GREB1L: variants seen among roughly 807,000 people sequenced by gnomAD.
GREB1L encodes GREB1-like protein.
Under a neutral mutation model 200.8 loss-of-function variants are expected in GREB1L, and 17 were observed. The observed-to-expected ratio is 0.08, with a 90% confidence interval of 0.06 to 0.13. GREB1L has a LOEUF of 0.13. GREB1L is among the 10% of genes least tolerant of loss of function. GREB1L has a pLI of 1.00. For synonymous variants in GREB1L, 789 were observed against 893.0 expected (o/e 0.88, Z 2.08); for missense variants, 1,657 against 2,367.7 (o/e 0.70, Z 6.23).
At chr18:21,467,031 G>C (rs539023751) in intron 15 of GREB1L, among the ~76,000 whole-genome samples, 19 of 152,300 alleles carry the variant, frequency 1.2e-4, no homozygotes, top group African/African-American at 4.3e-4. Flanking sequence ...AACGAATGAT[G>C]CTGGGACAAC....
intron 1 of GREB1L, among the ~76,000 whole-genome samples, chr18:21,337,268 C>T (rs2039199081): frequency 6.6e-6 from 1 of 151,862 alleles, no homozygotes; most frequent in Non-Finnish European, 1.5e-5. Context: ...TCTGATGAAG[C>T]TTTTGGGATT....
At chr18:21,281,508 T>C (rs2038268630) in intron 1 of GREB1L, among the ~76,000 whole-genome samples, 1 of 152,218 alleles carries the variant, frequency 6.6e-6, no homozygotes, top group Non-Finnish European at 1.5e-5. Context: ...TACTCATGTA[T>C]CTTTTTGTTA....
rs192443843 is a variant in GREB1L at position 21,496,960 on chromosome 18, A to G, written c.3391+262A>G. 3.2e-4 allele frequency among the ~76,000 whole-genome samples: 49 copies of G among 152,320 alleles called. No homozygotes were observed. The East Asian group carries it at 7.7e-3, about 24-fold the overall frequency. On this transcript the variant is annotated intron_variant, in intron 21 of 32. Coordinates refer to ENST00000424526, the MANE Select transcript of GREB1L (RefSeq NM_001142966.3). ...AACAATTTTATCAACCCTAGCCTGT[A>G]CCATTTTCCCTAGTCTTTTCTACCC...
intron 1 of GREB1L, among the ~76,000 whole-genome samples, chr18:21,242,803 G>A (rs2037523516): frequency 6.6e-6 from 1 of 152,146 alleles, no homozygotes; most frequent in Non-Finnish European, 1.5e-5. Context: ...CGGCGGAGGC[G>A]GCGAGGGGGC....
At chr18:21,302,925 G>A (rs1333121665) in intron 1 of GREB1L, among the ~76,000 whole-genome samples, 3 of 152,106 alleles carry the variant, frequency 2.0e-5, no homozygotes, top group African/African-American at 7.2e-5. Flanking sequence ...GTTTCACCAT[G>A]TTAGCCAGGA....
chr18:21,293,836 G>A (rs570300139), intron 1 of GREB1L, among the ~76,000 whole-genome samples: 2 of 152,272 alleles, frequency 1.3e-5, no homozygotes, highest in East Asian at 3.9e-4. Flanking sequence ...CTGGAGTGCA[G>A]TGGAGTGATC....
intron 18 of GREB1L, among the ~76,000 whole-genome samples, chr18:21,487,942 C>T (rs1259523684): frequency 2.0e-5 from 3 of 150,704 alleles, no homozygotes; most frequent in African/African-American, 7.3e-5. Context: ...ACCTGGGAGG[C>T]GGAGGTTGCA....
At chr18:21,342,320 G>C (rs1342222087) in intron 1 of GREB1L, among the ~76,000 whole-genome samples, 2 of 152,040 alleles carry the variant, frequency 1.3e-5, no homozygotes, top group African/African-American at 4.8e-5. Flanking sequence ...TTATATTCAA[G>C]AACCATCCTT....
chr18:21,351,994 C>A (rs1361804041), intron 1 of GREB1L, among the ~76,000 whole-genome samples: 1 of 151,972 alleles, frequency 6.6e-6, no homozygotes, highest in South Asian at 2.1e-4. Flanking sequence ...ATTACAGGCA[C>A]GCGCCACCAC....
chr18:21,440,013 T>C (rs1473102607), intron 8 of GREB1L, among the ~76,000 whole-genome samples: 2 of 152,144 alleles, frequency 1.3e-5, no homozygotes, highest in Non-Finnish European at 2.9e-5. Flanking sequence ...AGGTTGTGGG[T>C]AGAATCAAAT....
chr18:21,513,948 T>C lies in GREB1L; in HGVS notation c.4863T>C (p.Cys1621=). Reference sequence around the variant, plus strand: ...TCATCGTCATGATGGATGACTCATGTGTCCTATGGAACATTCACAGTGTTC... The same window carrying C: ...TCATCGTCATGATGGATGACTCATGCGTCCTATGGAACATTCACAGTGTTC... ...WPFIVMMDDS[C]VLWNIHSVQE... Residue 1621 remains cysteine, a synonymous_variant, in exon 28 of 33, where the codon TGT becomes TGC. Coordinates refer to ENST00000424526, the MANE Select transcript of GREB1L (RefSeq NM_001142966.3). The C allele has an allele frequency of 6.4e-7, 1 of 1,551,726 alleles. No homozygotes were observed. The highest frequency in any genetic ancestry group is 8.7e-7 in the Non-Finnish European group (1 of 1,146,974).
At chr18:21,305,540 T>C (rs78565651) in intron 1 of GREB1L, among the ~76,000 whole-genome samples, 2,290 of 152,282 alleles carry the variant, frequency 0.015, 36 homozygotes, top group Non-Finnish European at 0.018. Context: ...GTACGCTTCT[T>C]CCCATGTTCA....
At chr18:21,434,696 G>A (rs1013144264) in intron 7 of GREB1L, among the ~76,000 whole-genome samples, 11 of 151,640 alleles carry the variant, frequency 7.3e-5, no homozygotes, top group African/African-American at 1.2e-4. Flanking sequence ...ACTGTTACAC[G>A]AATTAACTGA....
At chr18:21,390,925 G>A (rs1239220913) in intron 4 of GREB1L, among the ~76,000 whole-genome samples, 3 of 152,034 alleles carry the variant, frequency 2.0e-5, no homozygotes, top group African/African-American at 4.8e-5. Flanking sequence ...GAAAGAAAAC[G>A]TTTTTATACA....
chr18:21,268,552 CACACACACATAT>C (rs2038017822), intron 1 of GREB1L, among the ~76,000 whole-genome samples: 2 of 98,964 alleles, frequency 2.0e-5, no homozygotes, highest in South Asian at 3.2e-4. Context: ...CACACACACA[CACACACACATAT>C]ATATATATAT....
chr18:21,435,480 C>T (rs773114050), intron 7 of GREB1L, among the ~76,000 whole-genome samples: 22 of 152,192 alleles, frequency 1.4e-4, no homozygotes, highest in Non-Finnish European at 2.6e-4. Flanking sequence ...TACAGAAGAA[C>T]GCAGAGCAAA....
chr18:21,350,856 G>A (rs2039422388), intron 1 of GREB1L, among the ~76,000 whole-genome samples: 1 of 152,046 alleles, frequency 6.6e-6, no homozygotes, highest in Non-Finnish European at 1.5e-5. Context: ...AACCTTGCTG[G>A]AAAAAAACTG....
intron 7 of GREB1L, among the ~76,000 whole-genome samples, chr18:21,411,476 G>T (rs2031002565): frequency 6.6e-6 from 1 of 151,940 alleles, no homozygotes; most frequent in Admixed American, 6.6e-5. Context: ...AAAGTGCTGG[G>T]ATTACAGGCG....
rs542750129 is a variant in GREB1L, at chr18:21,253,995, C to T, written c.-120+11602C>T. On this transcript the variant is annotated intron_variant, in intron 1 of 32. Coordinates refer to ENST00000424526, the MANE Select transcript of GREB1L (RefSeq NM_001142966.3). ...GGGACTACAGGTGTGTACCACTATG[C>T]CTGGTTAATTTCAAAAACTTTCTGT... Among the ~76,000 whole-genome samples the T allele has an allele frequency of 6.3e-4, 95 of 150,392 alleles. 4 individuals carry two copies. The South Asian group carries it at 0.019, about 30-fold the overall frequency.
Sources: gnomAD v4.1 joint callset for allele counts (sites outside exome capture counted in the v4.1 genomes callset) on GRCh38, gnomAD v4.1.1 for gene constraint, MANE v1.5 for transcripts, NCBI Gene and HGNC (gene_info 2026-07-23, HGNC 2026-07-21) for gene names.